CRB1: variants seen among roughly 807,000 people sequenced by gnomAD.
The protein encoded by CRB1 is crumbs cell polarity complex component 1, also known as protein crumbs homolog 1.
In CRB1, 83 loss-of-function variants were observed where a neutral mutation model predicts 120.0. The ratio of observed to expected loss-of-function variants is 0.69; its 90% CI spans 0.58 to 0.83. The LOEUF is 0.83. Ranked by LOEUF, CRB1 falls within the 40% of genes least tolerant of loss-of-function variation. The pLI is 0.00. For missense variants in CRB1, 1,699 were observed against 1,687.6 expected (o/e 1.01, Z -0.12); for synonymous variants, 625 against 612.5 (o/e 1.02, Z -0.30).
At chr1:197,355,427 C>G (rs1660413229) in intron 4 of CRB1, among the ~76,000 whole-genome samples, 1 of 152,224 alleles carries the variant, frequency 6.6e-6, no homozygotes, top group African/African-American at 2.4e-5. Flanking sequence ...TTGATGGGAC[C>G]CGGCGCCGCG....
chr1:197,232,923 G>A, the CRB1 span, among the ~76,000 whole-genome samples: 1 of 151,974 alleles, frequency 6.6e-6, no homozygotes, highest in African/African-American at 2.4e-5. Context: ...TCAAGTAATA[G>A]GATCCTGGCT....
intron 5 of CRB1, among the ~76,000 whole-genome samples, chr1:197,402,788 A>G (rs1215074061): frequency 6.6e-6 from 1 of 152,204 alleles, no homozygotes; most frequent in Non-Finnish European, 1.5e-5. Context: ...GTTCTCATCA[A>G]CTAAACATAT....
At chr1:197,366,673 G>T (rs1025364365) in intron 5 of CRB1, among the ~76,000 whole-genome samples, 1 of 152,150 alleles carries the variant, frequency 6.6e-6, no homozygotes, top group Non-Finnish European at 1.5e-5. Context: ...AGGAACTCAA[G>T]GAGGCAGAGA....
At chr1:197,342,347 A>G (rs1468523953) in intron 2 of CRB1, among the ~76,000 whole-genome samples, 2 of 152,110 alleles carry the variant, frequency 1.3e-5, no homozygotes, top group African/African-American at 2.4e-5. Context: ...TCTCCCCAAC[A>G]ATCATGGACT....
chr1:197,472,415 TG>T (rs1193743221), intron 11 of CRB1, among the ~76,000 whole-genome samples: 1 of 152,188 alleles, frequency 6.6e-6, no homozygotes, highest in African/African-American at 2.4e-5. Context: ...TGGGGGCTGA[TG>T]GTTGCAGCAT....
chr1:197,224,184 G>C, the CRB1 span, among the ~76,000 whole-genome samples: 1 of 151,996 alleles, frequency 6.6e-6, no homozygotes, highest in Non-Finnish European at 1.5e-5. Context: ...TTAATGTCCT[G>C]TTTACATAAT....
At chr1:197,249,556 G>T in the CRB1 span, among the ~76,000 whole-genome samples, 1 of 151,896 alleles carries the variant, frequency 6.6e-6, no homozygotes, top group Non-Finnish European at 1.5e-5. Flanking sequence ...TAAAAGTAAC[G>T]AGAGGTCATG....
chr1:197,321,876 G>C (rs1307418689), intron 1 of CRB1, among the ~76,000 whole-genome samples: 1 of 152,158 alleles, frequency 6.6e-6, no homozygotes, highest in Non-Finnish European at 1.5e-5. Context: ...ATACATCACA[G>C]TTAAACTCTC....
At chr1:197,311,371 C>T (rs1657507920) in intron 1 of CRB1, among the ~76,000 whole-genome samples, 2 of 152,088 alleles carry the variant, frequency 1.3e-5, no homozygotes, top group Admixed American at 6.6e-5. Flanking sequence ...ATGGTGATTA[C>T]CAGAGCCTGC....
In CRB1 at chr1:197,269,438, A is replaced by G. The variant is rs115980957; in HGVS notation, c.70+956A>G. On this transcript the variant is annotated intron_variant, in intron 1 of 11. Coordinates refer to ENST00000367400, the MANE Select transcript of CRB1 (RefSeq NM_201253.3). The stretch of plus-strand genomic sequence containing the variant: ...AGTAAATGCTGTGGGTAGGTAGCTG[A>G]TGGCACATATAGAAAAACCAAGTCA... Among the ~76,000 whole-genome samples, 969 of 152,356 alleles carry G rather than the reference A, an allele frequency of 6.4e-3. 14 individuals are homozygous for G. The highest frequency in any genetic ancestry group is 0.023 in the African/African-American group (938 of 41,586).
At position 197,328,902 on chromosome 1, in the gene CRB1, A is replaced by G. The variant is rs1658691815; in HGVS notation, c.551A>G (p.Asp184Gly). The G allele has an allele frequency of 5.0e-6, 8 of 1,614,130 alleles. No homozygotes were observed. The highest frequency in any genetic ancestry group is 6.8e-6 in the Non-Finnish European group (8 of 1,180,050). ...CVPGYQGRHC[D>G]LEVDECASDP... ...CCAGGATATCAAGGCAGACACTGCG[A>G]CTTGGAAGTGGATGAATGTGCTTCA... The change falls in exon 2 of 12, where the codon GAC becomes GGC. Residue 184 changes from aspartate to glycine, a missense_variant. Physicochemically the swap from Asp to Gly is moderately conservative, Grantham distance 94. Transcript: ENST00000367400.
chr1:197,318,325 G>A (rs930103485), intron 1 of CRB1, among the ~76,000 whole-genome samples: 3 of 152,130 alleles, frequency 2.0e-5, no homozygotes, highest in African/African-American at 4.8e-5. Context: ...AATGACTACT[G>A]TCAAAAAATC....
chr1:197,421,854 T>C lies in CRB1; in HGVS notation c.2026T>C (p.Cys676Arg). Reference sequence around the variant, plus strand: ...GGCAGGCTGTGTGAGAAAGGATTGGTGTGAAAGCCAACCTTGTCAAAGCAG... The same window carrying C: ...GGCAGGCTGTGTGAGAAAGGATTGGCGTGAAAGCCAACCTTGTCAAAGCAG... ...VKAGCVRKDW[C>R]ESQPCQSRGR... The change falls in exon 6 of 12, where the codon TGT becomes CGT. Residue 676 changes from cysteine to arginine, a missense_variant. Coordinates refer to ENST00000367400, the MANE Select transcript of CRB1 (RefSeq NM_201253.3). 1 of 1,614,182 alleles carries C rather than the reference T, an allele frequency of 6.2e-7. No individual in the cohort carries two copies. Among genetic ancestry groups the C allele is most frequent in the Non-Finnish European group, 8.5e-7 (1 of 1,180,016 alleles).
rs765649762 is a variant in CRB1 at position 197,421,014 on chromosome 1, G to A, written c.1186G>A (p.Glu396Lys). ...TTATTTAACAGGAATCCACTGCGAA[G>A]AAGACGTCAATGAATGTTCTTCAAA... ...QPGFTGIHCE[E>K]DVNECSSNPC... The change falls in exon 6 of 12, where the codon GAA becomes AAA. Residue 396 changes from glutamate to lysine, a missense_variant. Physicochemically the swap from Glu to Lys is moderately conservative, Grantham distance 56 (BLOSUM62 1). Coordinates refer to ENST00000367400, the MANE Select transcript of CRB1 (RefSeq NM_201253.3). The A allele has an allele frequency of 2.3e-5, 37 of 1,596,918 alleles. No individual in the cohort carries two copies. Among genetic ancestry groups the A allele is most frequent in the Admixed American group, 6.7e-5 (4 of 59,984 alleles).
chr1:197,398,240 G>C (rs1273444352), intron 5 of CRB1, among the ~76,000 whole-genome samples: 1 of 152,128 alleles, frequency 6.6e-6, no homozygotes, highest in Non-Finnish European at 1.5e-5. Context: ...TTCTTAGCGT[G>C]ATGAAAAGTT....
intron 11 of CRB1, among the ~76,000 whole-genome samples, chr1:197,449,419 T>A (rs1009219211): frequency 5.3e-5 from 8 of 152,248 alleles, no homozygotes; most frequent in Admixed American, 5.2e-4. Context: ...CAGGCTGGAG[T>A]GCAGTGGCGC....
intron 5 of CRB1, among the ~76,000 whole-genome samples, chr1:197,392,807 C>T (rs1471052035): frequency 1.3e-5 from 2 of 151,998 alleles, no homozygotes; most frequent in East Asian, 1.9e-4. Context: ...GGAAGCTGTC[C>T]TTGCAAAGGA....
intron 5 of CRB1, among the ~76,000 whole-genome samples, chr1:197,376,348 A>C (rs989528875): frequency 6.6e-6 from 1 of 152,290 alleles, no homozygotes; most frequent in Non-Finnish European, 1.5e-5. Flanking sequence ...ACCCAGGCAA[A>C]ACTTTTTATT....
intron 5 of CRB1, chr1:197,364,066 T>A (rs552063388): frequency 1.5e-6 from 2 of 1,319,270 alleles, no homozygotes; most frequent in East Asian, 2.3e-5. Context: ...GGCAGATCCG[T>A]GGCGGGGCTG....
Sources: allele counts gnomAD v4.1 joint callset (sites outside exome capture counted in the v4.1 genomes callset), GRCh38; gene constraint gnomAD v4.1.1; transcripts MANE v1.5; gene names NCBI Gene and HGNC (gene_info 2026-07-23, HGNC 2026-07-21).